The following BCKDHB variants were observed in gnomAD, a reference collection of about 807,000 sequenced individuals.
BCKDHB encodes branched chain keto acid dehydrogenase E1 subunit beta, also known as 2-oxoisovalerate dehydrogenase subunit beta, mitochondrial.
A neutral mutation model predicts 48.5 loss-of-function variants in BCKDHB; 41 were observed. The observed-to-expected ratio is 0.85, with a 90% CI of 0.66 to 1.10. BCKDHB has a LOEUF of 1.10. BCKDHB is among the 50% of genes least tolerant of loss of function. The pLI is 0.00. For synonymous variants in BCKDHB, 201 were observed against 174.8 expected (o/e 1.15, Z -1.18); for missense variants, 496 against 494.2 (o/e 1.00, Z -0.03).
chr6:80,438,081 A>G, the BCKDHB span, among the ~76,000 whole-genome samples: 1 of 152,204 alleles, frequency 6.6e-6, no homozygotes, highest in Non-Finnish European at 1.5e-5. Context: ...GGCTTCCATT[A>G]TATGTTGGAT....
At chr6:80,171,494 T>C (rs575942712) in intron 6 of BCKDHB, 104 bp downstream of exon 6, 1 of 692,722 alleles carries the variant, frequency 1.4e-6, no homozygotes, top group East Asian at 3.1e-5. Context: ...ATTTATATTT[T>C]CCTTGTAGAA....
At chr6:80,245,198 T>C (rs1003063861) in intron 8 of BCKDHB, among the ~76,000 whole-genome samples, 5 of 152,078 alleles carry the variant, frequency 3.3e-5, no homozygotes, top group African/African-American at 1.2e-4. Context: ...AACTGAAAGG[T>C]GCTTATACTG....
At chr6:80,434,458 C>A in the BCKDHB span, among the ~76,000 whole-genome samples, 1 of 151,698 alleles carries the variant, frequency 6.6e-6, no homozygotes, top group East Asian at 1.9e-4. Flanking sequence ...AGGTCTATTT[C>A]TTTTTATTGA....
At chr6:80,320,235 C>T (rs979610610) in intron 9 of BCKDHB, among the ~76,000 whole-genome samples, 2 of 152,074 alleles carry the variant, frequency 1.3e-5, no homozygotes, top group African/African-American at 4.8e-5. Context: ...TGTACATAGA[C>T]AAATATCTTT....
In BCKDHB at chr6:80,106,837, G is replaced by A; in HGVS notation, c.144G>A (p.Arg48=). Residue 48 remains arginine (R), a synonymous_variant, in exon 1 of 10, where the codon AGG becomes AGA. Transcript: ENST00000320393. ...CGACTGTCGAGGATGCGGCCCAGAG[G>A]CGGCAGGTGGCTCATTTTACTTTCC... is the stretch of plus-strand genomic sequence containing the variant. ...PAATVEDAAQ[R]RQVAHFTFQP... is the part of the protein sequence containing the mutation. The A allele has an allele frequency of 1.2e-6, 2 of 1,610,350 alleles. No homozygotes were observed. Among genetic ancestry groups the A allele is most frequent in the Non-Finnish European group, 1.7e-6 (2 of 1,178,962 alleles).
chr6:80,150,550 C>CTTTTTTTT (rs758701261), intron 3 of BCKDHB, among the ~76,000 whole-genome samples: 6 of 105,470 alleles, frequency 5.7e-5, no homozygotes, highest in Admixed American at 2.4e-4. Flanking sequence ...AGTTTGTCAT[C>CTTTTTTTT]TTTTTTTTTT....
chr6:80,243,379 T>C (rs939792290), intron 8 of BCKDHB, among the ~76,000 whole-genome samples: 2 of 152,140 alleles, frequency 1.3e-5, no homozygotes, highest in African/African-American at 4.8e-5. Context: ...TGCTCCCTGA[T>C]GAGGTAATAG....
chr6:80,107,423 ATG>A (rs60917181), intron 1 of BCKDHB, among the ~76,000 whole-genome samples: 8,236 of 72,932 alleles, frequency 0.11, 851 homozygotes, highest in African/African-American at 0.26. Flanking sequence ...AATTGTGTGT[ATG>A]TGTGTGTGTG....
intron 9 of BCKDHB, among the ~76,000 whole-genome samples, chr6:80,332,491 A>C (rs1252555446): frequency 6.6e-6 from 1 of 152,250 alleles, no homozygotes; most frequent in African/African-American, 2.4e-5. Context: ...CTGAGAGGAG[A>C]GGTTAAATTT....
chr6:80,372,720 T>C, the BCKDHB span, among the ~76,000 whole-genome samples: 3 of 152,146 alleles, frequency 2.0e-5, no homozygotes, highest in Non-Finnish European at 4.4e-5. Context: ...GTGATTTTTG[T>C]TTTTGATTCT....
In BCKDHB at chr6:80,136,614, G is replaced by A. The variant is rs147227376; in HGVS notation, c.343+7385G>A. Among the ~76,000 whole-genome samples, 335 of 152,052 alleles carry A rather than the reference G, an allele frequency of 2.2e-3. 1 individual carries two copies. Among genetic ancestry groups the A allele is most frequent in the Middle Eastern group, 6.8e-3 (2 of 294 alleles). The stretch of plus-strand genomic sequence containing the variant: ...AAAAATAGATAAATTGGACTGCATC[G>A]AAATTAAAAATATGTACTTTGAAGG... On this transcript the variant is annotated intron_variant, in intron 3 of 9. Coordinates refer to ENST00000320393, the MANE Select transcript of BCKDHB (RefSeq NM_183050.4).
At chr6:80,249,378 G>A (rs1345563676) in intron 8 of BCKDHB, among the ~76,000 whole-genome samples, 2 of 151,888 alleles carry the variant, frequency 1.3e-5, no homozygotes, top group Non-Finnish European at 2.9e-5. Flanking sequence ...TTAGGAAGCA[G>A]TTTACTCCTC....
At chr6:80,121,937 A>G (rs1039568217) in intron 1 of BCKDHB, among the ~76,000 whole-genome samples, 3 of 152,326 alleles carry the variant, frequency 2.0e-5, no homozygotes, top group African/African-American at 7.2e-5. Context: ...GCCAGTTTTC[A>G]AAGGGAATGC....
intron 6 of BCKDHB, among the ~76,000 whole-genome samples, chr6:80,184,258 C>G (rs1309954202): frequency 6.6e-6 from 1 of 152,038 alleles, no homozygotes; most frequent in Non-Finnish European, 1.5e-5. Context: ...CTGAGAATAC[C>G]TACTCCTGCT....
intron 3 of BCKDHB, among the ~76,000 whole-genome samples, chr6:80,150,615 G>C (rs1433341165): frequency 7.0e-6 from 1 of 143,828 alleles, no homozygotes; most frequent in African/African-American, 2.5e-5. Context: ...GGAGTGCAGT[G>C]GTGCGATCTT....
the BCKDHB span, among the ~76,000 whole-genome samples, chr6:80,382,512 T>G: frequency 5.9e-5 from 9 of 152,266 alleles, no homozygotes; most frequent in East Asian, 1.7e-3. Flanking sequence ...TAGATGTTCA[T>G]TCCTTGGGTT....
intron 3 of BCKDHB, among the ~76,000 whole-genome samples, chr6:80,158,943 GTTC>G (rs1772184740): frequency 1.3e-5 from 2 of 152,262 alleles, no homozygotes; most frequent in South Asian, 4.1e-4. Flanking sequence ...CTTATTCAGT[GTTC>G]TTTTTCATTT....
chr6:80,450,363 G>T, the BCKDHB span, among the ~76,000 whole-genome samples: 4 of 152,066 alleles, frequency 2.6e-5, no homozygotes, highest in African/African-American at 9.7e-5. Flanking sequence ...TTTAATGGGG[G>T]TTTATGAACA....
At chr6:80,224,849 C>T (rs1582393283) in intron 8 of BCKDHB, among the ~76,000 whole-genome samples, 2 of 152,322 alleles carry the variant, frequency 1.3e-5, no homozygotes, top group African/African-American at 2.4e-5. Flanking sequence ...ACTTTGGAAG[C>T]CACGCAGTTC....
Sources: allele counts gnomAD v4.1 joint callset (sites outside exome capture counted in the v4.1 genomes callset), GRCh38; gene constraint gnomAD v4.1.1; transcripts MANE v1.5; gene names NCBI Gene and HGNC (gene_info 2026-07-23, HGNC 2026-07-21).